UBXN1: variants seen among roughly 807,000 people sequenced by gnomAD.
UBXN1 encodes the protein UBX domain protein 1, also known as UBX domain-containing protein 1.
In UBXN1, 21 loss-of-function variants were observed where a neutral mutation model predicts 42.0. That is an observed-to-expected ratio of 0.50 (90% CI 0.35 to 0.72). The LOEUF (loss-of-function observed/expected upper bound fraction) is 0.72, where lower values mean the gene tolerates loss of function less well. Among genes scored for constraint, UBXN1 ranks in the 30% least tolerant of loss-of-function variants. The pLI is 0.00. For synonymous variants in UBXN1, 172 were observed against 142.6 expected (o/e 1.21, Z -1.47); for missense variants, 374 against 382.2 (o/e 0.98, Z 0.18).
chr11:62,678,621 G>A lies in UBXN1; in HGVS notation c.114-20C>T. 6.8e-6 allele frequency: 11 copies of A among 1,612,976 alleles called. No individual in the cohort carries two copies. The highest frequency in any genetic ancestry group is 9.3e-6 in the Non-Finnish European group (11 of 1,179,350). ...ATCAGCCTGGCAGGGAAAGTGGGCG[G>A]GGAGGTTAGCTTTGAGGCTGCCCCT... On this transcript the variant is annotated intron_variant, in intron 2 of 8. Transcript: ENST00000301935.
Position 62,677,373 on chromosome 11 carries a change from A to G in UBXN1, c.651+145T>C. 5 of 843,196 alleles carry G rather than the reference A, an allele frequency of 5.9e-6. No homozygotes were observed. The South Asian group carries it at 6.2e-5, about 10-fold the overall frequency. The allele number at this position is 843,196 out of a possible 1,614,324, so 52.2% of individuals were successfully genotyped here. On this transcript the variant is annotated intron_variant, in intron 7 of 8. Transcript: ENST00000301935. ...GCAGGTGAAATTTGATACCTTTCCC[A>G]AGAGTAGAGATAGGATTTCAAAAGT...
At chr11:62,677,893 C>A in intron 5 of UBXN1, 34 bp downstream of exon 5, 2 of 1,614,148 alleles carry the variant, frequency 1.2e-6, no homozygotes, top group Non-Finnish European at 1.7e-6. Context: ...TGATTTCTTT[C>A]TCATCTGCTA....
Position 62,678,619 on chromosome 11 carries a change from C to T in UBXN1, c.114-18G>A. The T allele has an allele frequency of 6.2e-7, 1 of 1,612,476 alleles. No homozygotes were observed. Among genetic ancestry groups the T allele is most frequent in the South Asian group, 1.1e-5 (1 of 90,850 alleles). ...CCATCAGCCTGGCAGGGAAAGTGGGCGGGGAGGTTAGCTTTGAGGCTGCCC... is the reference window on the plus strand; with the variant it reads ...CCATCAGCCTGGCAGGGAAAGTGGGTGGGGAGGTTAGCTTTGAGGCTGCCC... On this transcript the variant is annotated intron_variant, in intron 2 of 8. Transcript: ENST00000301935.
Position 62,676,504 on chromosome 11 carries a change from G to A in UBXN1, c.*86C>T. 6.8e-7 allele frequency: 1 copy of A among 1,477,792 alleles called. No individual in the cohort carries two copies. Among genetic ancestry groups the A allele is most frequent in the Non-Finnish European group, 9.2e-7 (1 of 1,092,600 alleles). 91.5% of individuals were successfully genotyped at this position (1,477,792 alleles called of 1,614,324 possible). A position where few individuals can be genotyped will look rare whatever the true frequency, so the allele number is the denominator to read the frequency against. ...TTCAGGAAGGAGTCAGGCATGTACA[G>A]AACTCAGGGTCTATTTATTAGGAAG... On this transcript the variant is annotated 3_prime_UTR_variant, in exon 9 of 9. Transcript: ENST00000301935.
Position 62,677,576 on chromosome 11 carries a change from G to A in UBXN1, c.593C>T (p.Pro198Leu), listed in dbSNP as rs766006162. 6.2e-7 allele frequency: 1 copy of A among 1,614,130 alleles called. No homozygotes were observed. The highest frequency in any genetic ancestry group is 8.5e-7 in the Non-Finnish European group (1 of 1,180,004). The change falls in exon 7 of 9, where the codon CCC becomes CTC. Residue 198 changes from proline (P) to leucine (L), a missense_variant. Transcript: ENST00000301935. ...GGGAGGCTCCTGGCTGGGAGAAGAG[G>A]GAACAGGACCTGGCTCTGGTGCCAC... Reference protein sequence around the residue: ...PPVAPEPGPVPSSPSQEPPTK... With the variant: ...PPVAPEPGPVLSSPSQEPPTK...
Position 62,678,609 on chromosome 11 carries a change from G to C in UBXN1, c.114-8C>G. The C allele has an allele frequency of 6.2e-7, 1 of 1,612,598 alleles. No homozygotes were observed. Among genetic ancestry groups the C allele is most frequent in the South Asian group, 1.1e-5 (1 of 90,920 alleles). On this transcript the variant is annotated splice_region_variant and splice_polypyrimidine_tract_variant and intron_variant, in intron 2 of 8. Coordinates refer to ENST00000301935, the MANE Select transcript of UBXN1 (RefSeq NM_001286077.2). ...TCTTCGTGCTCCATCAGCCTGGCAG[G>C]GAAAGTGGGCGGGGAGGTTAGCTTT...
At chr11:62,678,290 G>A (rs1182924113) in intron 4 of UBXN1, 49 bp downstream of exon 4, 1 of 1,612,490 alleles carries the variant, frequency 6.2e-7, no homozygotes. Flanking sequence ...CGTGTACTGG[G>A]GAGAGATGGA....
At position 62,677,978 on chromosome 11, in the gene UBXN1, C is replaced by T. The variant is rs1435361821; in HGVS notation, c.431G>A (p.Arg144His). Reference sequence around the variant, plus strand: ...CCTCCGCCTCTCCTCAGCAGCCCGGCGCATCTCATCTTCCTGTAGCCGCTG... The same window carrying T: ...CCTCCGCCTCTCCTCAGCAGCCCGGTGCATCTCATCTTCCTGTAGCCGCTG... Reference protein sequence around the residue: ...ARQRLQEDEMRRAAEERRREK... With the variant: ...ARQRLQEDEMHRAAEERRREK... Residue 144 changes from arginine (R) to histidine (H), a missense_variant, in exon 5 of 9, where the codon CGC becomes CAC. Arg to His is a conservative substitution (Grantham distance 29). Transcript: ENST00000301935. 6.8e-6 allele frequency: 11 copies of T among 1,613,984 alleles called. No homozygotes were observed. The highest frequency in any genetic ancestry group is 8.5e-6 in the Non-Finnish European group (10 of 1,180,036).
In UBXN1 at chr11:62,678,088, C is replaced by T. The variant is rs1226925398; in HGVS notation, c.321G>A (p.Arg107=). Residue 107 remains arginine, a synonymous_variant, in exon 5 of 9, where the codon CGG becomes CGA. Transcript: ENST00000301935. ...RMLELVAQKQ[R]EREEREEREA... ...CCCGTTCCTCTCTTTCTTCACGCTC[C>T]CGCTGCTTCTGGGCCACCAGCTCCA... The T allele has an allele frequency of 6.2e-7, 1 of 1,614,026 alleles. No individual in the cohort carries two copies. Among genetic ancestry groups the T allele is most frequent in the African/African-American group, 1.3e-5 (1 of 74,928 alleles).
At position 62,677,717 on chromosome 11, in the gene UBXN1, G is replaced by A. The variant is rs1401046435; in HGVS notation, c.534+64C>T. The A allele has an allele frequency of 1.9e-6, 3 of 1,613,246 alleles. No homozygotes were observed. In the African/African-American group the frequency reaches 4.0e-5, roughly 22 times the overall value. Reference sequence around the variant, plus strand: ...TCATATAAGCCCATGCTTTCCCTCTGAAGCTGGAAAAGATTTACTAACCTG... The same window carrying A: ...TCATATAAGCCCATGCTTTCCCTCTAAAGCTGGAAAAGATTTACTAACCTG... On this transcript the variant is annotated intron_variant, in intron 6 of 8. Coordinates refer to ENST00000301935, the MANE Select transcript of UBXN1 (RefSeq NM_001286077.2).
At chr11:62,678,806 G>A in intron 1 of UBXN1, 59 bp downstream of exon 1, 1 of 1,610,960 alleles carries the variant, frequency 6.2e-7, no homozygotes, top group East Asian at 2.2e-5. Context: ...CTGGGGCAAA[G>A]GCCGAGACAG....
In UBXN1 at chr11:62,678,574, A is replaced by C; in HGVS notation, c.141T>G (p.Asp47Glu). 1 of 1,611,632 alleles carries C rather than the reference A, an allele frequency of 6.2e-7. No homozygotes were observed. The highest frequency in any genetic ancestry group is 8.5e-7 in the Non-Finnish European group (1 of 1,178,278). Residue 47 changes from aspartate (D) to glutamate (E), a missense_variant, in exon 3 of 9, where the codon GAT becomes GAG. Transcript: ENST00000301935. ...DWLMEHEDDP[D>E]VDEPLETPLG... ...GGGGAGTCTCTAAAGGCTCGTCCAC[A>C]TCGGGGTCGTCTTCGTGCTCCATCA...
Position 62,676,881 on chromosome 11 carries a change from T to C in UBXN1, c.776A>G (p.Gln259Arg), listed in dbSNP as rs1945027485. 1 of 1,613,946 alleles carries C rather than the reference T, an allele frequency of 6.2e-7. No individual in the cohort carries two copies. Among genetic ancestry groups the C allele is most frequent in the Non-Finnish European group, 8.5e-7 (1 of 1,180,050 alleles). Reference protein sequence around the residue: ...EELGGGQDPVQLLSGFPRRAF... With the variant: ...EELGGGQDPVRLLSGFPRRAF... ...CCGTCTGGGGAAGCCACTGAGCAAT[T>C]GCACAGGGTCCTGGCCCCCACCTAG... Residue 259 changes from glutamine to arginine, a missense_variant, in exon 8 of 9, where the codon CAA (glutamine) becomes CGA (arginine). Coordinates refer to ENST00000301935, the MANE Select transcript of UBXN1 (RefSeq NM_001286077.2).
In UBXN1 at chr11:62,677,554, A is replaced by C; in HGVS notation, c.615T>G (p.Pro205=). ...ACTGGTCATACTCCCGCTTGGTGGG[A>C]GGCTCCTGGCTGGGAGAAGAGGGAA... ...GPVPSSPSQE[P]PTKREYDQCR... is the part of the protein sequence containing the mutation. Residue 205 remains proline, a synonymous_variant, in exon 7 of 9, where the codon CCT becomes CCG. Coordinates refer to ENST00000301935, the MANE Select transcript of UBXN1 (RefSeq NM_001286077.2). 1 of 1,614,150 alleles carries C rather than the reference A, an allele frequency of 6.2e-7. No individual in the cohort carries two copies. Among genetic ancestry groups the C allele is most frequent in the Non-Finnish European group, 8.5e-7 (1 of 1,180,002 alleles).
intron 6 of UBXN1, 56 bp downstream of exon 6, chr11:62,677,725 A>T (rs1323925853): frequency 6.2e-7 from 1 of 1,613,862 alleles, no homozygotes; most frequent in Non-Finnish European, 8.5e-7. Context: ...CTGAAGCTGG[A>T]AAAGATTTAC....
At chr11:62,678,174 A>G (rs1945065876) in intron 4 of UBXN1, 56 bp from the exon 5 acceptor site, 3 of 1,604,828 alleles carry the variant, frequency 1.9e-6, no homozygotes, top group Non-Finnish European at 2.6e-6. Context: ...GAAGGTGTAA[A>G]GTTTACAATA....
rs1945056167 is a variant in UBXN1, at chr11:62,677,960, C to G, written c.449G>C (p.Arg150Thr). The G allele has an allele frequency of 6.2e-7, 1 of 1,613,994 alleles. No individual in the cohort carries two copies. The highest frequency in any genetic ancestry group is 1.7e-5 in the Admixed American group (1 of 59,988). The part of the protein sequence containing the change: ...EDEMRRAAEE[R>T]RREKAEELAA... ...TAACTCCTCGGCCTTTTCCCTCCGC[C>G]TCTCCTCAGCAGCCCGGCGCATCTC... is the stretch of plus-strand genomic sequence containing the variant. The change falls in exon 5 of 9, where the codon AGG (arginine) becomes ACG (threonine). Residue 150 changes from arginine (R) to threonine (T), a missense_variant. Physicochemically the swap from Arg to Thr is moderately conservative, Grantham distance 71. Coordinates refer to ENST00000301935, the MANE Select transcript of UBXN1 (RefSeq NM_001286077.2).
chr11:62,676,608 G>C lies in UBXN1; in HGVS notation c.876C>G (p.Ala292=). ...GLVPSAVLIV[A]KKCPS is the part of the protein sequence containing the mutation. ...AAGGCCCTCAGCTGGGACATTTCTT[G>C]GCCACAATGAGAACAGCAGAAGGCA... The change falls in exon 9 of 9, where the codon GCC becomes GCG. Residue 292 remains alanine, a synonymous_variant. Coordinates refer to ENST00000301935, the MANE Select transcript of UBXN1 (RefSeq NM_001286077.2). 1 of 1,610,876 alleles carries C rather than the reference G, an allele frequency of 6.2e-7. No homozygotes were observed. The highest frequency in any genetic ancestry group is 8.5e-7 in the Non-Finnish European group (1 of 1,179,210).
chr11:62,679,060 A>G lies in UBXN1; in HGVS notation c.-137T>C. On this transcript the variant is annotated 5_prime_UTR_variant, in exon 1 of 9. Coordinates refer to ENST00000301935, the MANE Select transcript of UBXN1 (RefSeq NM_001286077.2). ...TCACCCGGCTCTATAGCAGCCGGGA[A>G]CACCGACGAGAAGAAAGCCGAGGGG... 1.1e-6 allele frequency: 1 copy of G among 938,546 alleles called. No individual in the cohort carries two copies. Among genetic ancestry groups the G allele is most frequent in the South Asian group, 1.7e-5 (1 of 59,686 alleles). 58.1% of individuals were successfully genotyped at this position (938,546 alleles called of 1,614,324 possible). A position where few individuals can be genotyped will look rare whatever the true frequency, so the allele number is the denominator to read the frequency against.
Sources: gnomAD v4.1 joint callset for allele counts on GRCh38, gnomAD v4.1.1 for gene constraint, MANE v1.5 for transcripts, NCBI Gene and HGNC (gene_info 2026-07-23, HGNC 2026-07-21) for gene names.